The following HACE1 variants were observed in gnomAD, a reference collection of about 807,000 sequenced individuals.
HACE1 encodes E3 ubiquitin-protein ligase HACE1.
HACE1 carries 73 observed loss-of-function variants against 118.4 expected under a neutral mutation model. That is an observed-to-expected ratio of 0.62 (90% CI 0.51 to 0.75). The LOEUF is 0.75. Among genes scored for constraint, HACE1 ranks in the 30% least tolerant of loss-of-function variants. The pLI is 0.00. For missense variants in HACE1, 749 were observed against 1,102.2 expected, an observed-to-expected ratio of 0.68 and a Z score of 4.54; for synonymous variants, 368 against 374.8, an observed-to-expected ratio of 0.98 and a Z score of 0.21.
intron 5 of HACE1, among the ~76,000 whole-genome samples, chr6:104,835,680 T>C (rs1235093021): frequency 6.6e-6 from 1 of 152,172 alleles, no homozygotes; most frequent in Non-Finnish European, 1.5e-5. Flanking sequence ...TATGAATATT[T>C]CTCATAAGTT....
At chr6:104,844,787 C>T (rs1775485213) in intron 4 of HACE1, among the ~76,000 whole-genome samples, 2 of 152,044 alleles carry the variant, frequency 1.3e-5, no homozygotes, top group Non-Finnish European at 2.9e-5. Flanking sequence ...CTTAGCCTCC[C>T]AAGTAGCTGG....
intron 4 of HACE1, among the ~76,000 whole-genome samples, chr6:104,844,364 C>T (rs1167428833): frequency 8.0e-6 from 1 of 124,788 alleles, no homozygotes; most frequent in Non-Finnish European, 1.7e-5. Flanking sequence ...TTTTTTGAGA[C>T]GGAGTTTCAC....
chr6:104,745,455 C>CTTTTTTTTTGTT (rs1777314648), intron 20 of HACE1, among the ~76,000 whole-genome samples: 1 of 131,980 alleles, frequency 7.6e-6, no homozygotes. Flanking sequence ...TCAGGATTTC[C>CTTTTTTTTTGTT]TTTTTTTTTG....
intron 19 of HACE1, among the ~76,000 whole-genome samples, chr6:104,760,917 AG>A (rs1405659107): frequency 6.6e-6 from 1 of 152,206 alleles, no homozygotes; most frequent in East Asian, 1.9e-4. Flanking sequence ...ACAAACAGAG[AG>A]ACAAATCATG....
intron 10 of HACE1, among the ~76,000 whole-genome samples, chr6:104,794,315 A>G (rs999097931): frequency 6.6e-6 from 1 of 152,252 alleles, no homozygotes; most frequent in Non-Finnish European, 1.5e-5. Flanking sequence ...ATATAATATG[A>G]CAAATATTTA....
intron 6 of HACE1, among the ~76,000 whole-genome samples, chr6:104,816,886 C>A (rs1164904485): frequency 6.6e-6 from 1 of 152,150 alleles, no homozygotes; most frequent in Non-Finnish European, 1.5e-5. Flanking sequence ...ATATGAGACA[C>A]GGAGTCAACG....
Position 104,746,562 on chromosome 6 carries a change from T to G in HACE1, c.2344-1952A>C, listed in dbSNP as rs576120721. ...CTCCTCAAGTATGGCTACCATCAGG[T>G]GGCCCCTCCTTGGTGGTTCAGGCTC... On this transcript the variant is annotated intron_variant, in intron 20 of 23. Coordinates refer to ENST00000262903, the MANE Select transcript of HACE1 (RefSeq NM_020771.4). Among the ~76,000 whole-genome samples, 4 of 152,332 alleles carry G rather than the reference T, an allele frequency of 2.6e-5. No homozygotes were observed. The East Asian group carries it at 7.7e-4, about 29-fold the overall frequency.
At chr6:104,761,385 G>A (rs958020407) in intron 19 of HACE1, among the ~76,000 whole-genome samples, 12 of 152,088 alleles carry the variant, frequency 7.9e-5, no homozygotes, top group African/African-American at 2.9e-4. Flanking sequence ...GCCCTCAGAA[G>A]TAACACCACA....
rs1365257246 is a variant in HACE1, at chr6:104,859,909, C to G, written c.-267G>C. 1 of 451,808 alleles carries G rather than the reference C, an allele frequency of 2.2e-6. No individual in the cohort carries two copies. The highest frequency in any genetic ancestry group is 3.9e-6 in the Non-Finnish European group (1 of 254,076). The allele number at this position is 451,808 out of a possible 1,614,324, so 28.0% of individuals were successfully genotyped here. ...CGCCGCCGCGTCCCTCCCGGGCTCG[C>G]GTGGCCTTCTGGGAACTGTAGTTTC... On this transcript the variant is annotated 5_prime_UTR_variant, in exon 1 of 24. Coordinates refer to ENST00000262903, the MANE Select transcript of HACE1 (RefSeq NM_020771.4).
At chr6:104,792,436 G>A (rs931576308) in intron 10 of HACE1, among the ~76,000 whole-genome samples, 3 of 152,128 alleles carry the variant, frequency 2.0e-5, no homozygotes, top group African/African-American at 7.2e-5. Flanking sequence ...AAAACTGTAC[G>A]AGTTAGGCTA....
intron 19 of HACE1, among the ~76,000 whole-genome samples, chr6:104,757,704 C>A (rs1181106050): frequency 2.0e-5 from 3 of 152,148 alleles, no homozygotes; most frequent in Admixed American, 1.3e-4. Flanking sequence ...GTTTGATGAA[C>A]TGACAGAAGT....
At chr6:104,736,230 T>C (rs990844239) in intron 22 of HACE1, among the ~76,000 whole-genome samples, 1 of 151,678 alleles carries the variant, frequency 6.6e-6, no homozygotes, top group Non-Finnish European at 1.5e-5. Flanking sequence ...TTTTCTTTTA[T>C]ATTTTTAGTC....
chr6:104,821,199 T>C lies in HACE1; in HGVS notation c.535-9806A>G, dbSNP rs145748970. 2.5e-4 allele frequency among the ~76,000 whole-genome samples: 38 copies of C among 152,084 alleles called. No homozygotes were observed. The East Asian group carries it at 5.4e-3, about 22-fold the overall frequency. On this transcript the variant is annotated intron_variant, in intron 6 of 23. Transcript: ENST00000262903. Reference sequence around the variant, plus strand: ...TGAGGCCTTTCAAAGGGGTGGAGGATGGGAGGAGGGAAAGGATGAGGCAAA... The same window carrying C: ...TGAGGCCTTTCAAAGGGGTGGAGGACGGGAGGAGGGAAAGGATGAGGCAAA...
intron 22 of HACE1, among the ~76,000 whole-genome samples, chr6:104,739,296 G>A (rs1004568614): frequency 6.6e-6 from 1 of 152,030 alleles, no homozygotes; most frequent in Non-Finnish European, 1.5e-5. Context: ...ATACTGACAG[G>A]ATCAAATTCA....
Position 104,783,349 on chromosome 6 carries a change from C to A in HACE1, c.1566+737G>T, listed in dbSNP as rs1456389077. On this transcript the variant is annotated intron_variant, in intron 14 of 23. Transcript: ENST00000262903. ...TTTTATACATATGTTTATTATCTCC[C>A]CAGCCAGACTGAATTAGAATCCTCT... Among the ~76,000 whole-genome samples the A allele has an allele frequency of 3.9e-5, 6 of 152,278 alleles. No homozygotes were observed. The East Asian group carries it at 1.2e-3, about 29-fold the overall frequency.
At chr6:104,820,194 CAAAA>C (rs60172674) in intron 6 of HACE1, among the ~76,000 whole-genome samples, 2 of 58,872 alleles carry the variant, frequency 3.4e-5, no homozygotes, top group Non-Finnish European at 3.9e-5. Context: ...GACTCCGTCT[CAAAA>C]AAAAAAAAAA....
chr6:104,850,568 C>A (rs9499991), intron 3 of HACE1, among the ~76,000 whole-genome samples: 4,798 of 152,236 alleles, frequency 0.032, 240 homozygotes, highest in African/African-American at 0.11. Context: ...AAGCCAATGA[C>A]TTCATCTGCA....
intron 5 of HACE1, among the ~76,000 whole-genome samples, chr6:104,841,843 T>A (rs1289551888): frequency 7.2e-5 from 11 of 152,216 alleles, no homozygotes; most frequent in Non-Finnish European, 1.2e-4. Flanking sequence ...ATGTTATCTC[T>A]ACTTCTAAAA....
intron 6 of HACE1, among the ~76,000 whole-genome samples, chr6:104,818,732 AC>A (rs1486314476): frequency 6.6e-6 from 1 of 152,194 alleles, no homozygotes; most frequent in Non-Finnish European, 1.5e-5. Flanking sequence ...TTCAACATAC[AC>A]AAATCAATAA....
Sources: gnomAD v4.1 joint callset for allele counts (sites outside exome capture counted in the v4.1 genomes callset) on GRCh38, gnomAD v4.1.1 for gene constraint, MANE v1.5 for transcripts, NCBI Gene and HGNC (gene_info 2026-07-23, HGNC 2026-07-21) for gene names.